POR: variants seen among roughly 807,000 people sequenced by gnomAD.
The protein encoded by POR is cytochrome p450 oxidoreductase.
Under a neutral mutation model 84.0 loss-of-function variants are expected in POR, and 56 were observed. That is an observed-to-expected ratio of 0.67 (90% CI 0.54 to 0.83). The LOEUF is 0.83. Among genes scored for constraint, POR ranks in the 40% least tolerant of loss-of-function variants. POR has a pLI of 0.00. For missense variants in POR, 938 were observed against 944.3 expected (o/e 0.99, Z 0.09); for synonymous variants, 414 against 400.5 (o/e 1.03, Z -0.40).
At chr7:75,980,531 G>A (rs1788956670) in intron 5 of POR, 43 bp downstream of exon 5, 2 of 1,612,528 alleles carry the variant, frequency 1.2e-6, no homozygotes, top group Non-Finnish European at 1.7e-6. Flanking sequence ...GTGGCCTGCG[G>A]TGCCTCCCTG....
At position 75,986,255 on chromosome 7, in the gene POR, G is replaced by GTCAC; in HGVS notation, c.1898+16_1898+19dup. 6.2e-7 allele frequency: 1 copy of GTCAC among 1,612,654 alleles called. No individual in the cohort carries two copies. The highest frequency in any genetic ancestry group is 8.5e-7 in the Non-Finnish European group (1 of 1,179,816). On this transcript the variant is annotated intron_variant, in intron 15 of 15. Transcript: ENST00000461988. Reference sequence around the variant, plus strand: ...CTACGTCTGTGGGTGAGTGAGTGGGGTCACTGGAATAGGGGGCAGGGAGGA... The same window carrying GTCAC: ...CTACGTCTGTGGGTGAGTGAGTGGGGTCACTCACTGGAATAGGGGGCAGGGAGGA...
chr7:75,980,199 TTC>T (rs1215939642), intron 4 of POR, 138 bp from the exon 5 acceptor site: 3 of 1,027,530 alleles, frequency 2.9e-6, no homozygotes, highest in Non-Finnish European at 4.2e-6. Context: ...GTGTTGTTAC[TTC>T]TCTCTGATCC....
In POR at chr7:75,938,966, T is replaced by C. The variant is rs146443212; in HGVS notation, c.-4-15023T>C. ...ACAATCCAGCCCAGATGTTGGCCTC[T>C]GGGAGCCCCTTCCTTGACTGTTTCA... is the stretch of plus-strand genomic sequence containing the variant. On this transcript the variant is annotated intron_variant, in intron 1 of 15. Transcript: ENST00000461988. 8.6e-4 allele frequency among the ~76,000 whole-genome samples: 131 copies of C among 152,314 alleles called. 2 individuals carry two copies. The East Asian group carries it at 0.018, about 20-fold the overall frequency.
intron 5 of POR, 154 bp downstream of exon 5, chr7:75,980,642 G>A: frequency 6.4e-7 from 1 of 1,560,570 alleles, no homozygotes; most frequent in Non-Finnish European, 8.6e-7. Flanking sequence ...CTCTGCCCCA[G>A]ACCCCAGCAC....
intron 8 of POR, 51 bp downstream of exon 8, chr7:75,982,373 C>A: frequency 1.4e-6 from 2 of 1,432,396 alleles, no homozygotes; most frequent in Admixed American, 1.9e-5. Context: ...GCCACTGGTG[C>A]ACCCCAGGCT....
At chr7:75,973,674 C>CTTTTTTTTTTTTTTTTT (rs35274225) in intron 3 of POR, among the ~76,000 whole-genome samples, 2 of 64,932 alleles carry the variant, frequency 3.1e-5, no homozygotes, top group Non-Finnish European at 5.1e-5. Flanking sequence ...CCAGACCTTG[C>CTTTTTTTTTTTTTTTTT]TTTTTTTTTT....
intron 1 of POR, among the ~76,000 whole-genome samples, chr7:75,939,923 A>G (rs1422768649): frequency 6.9e-6 from 1 of 144,292 alleles, no homozygotes; most frequent in Non-Finnish European, 1.5e-5. Context: ...TACTCTTATT[A>G]TATAGTGATG....
intron 1 of POR, among the ~76,000 whole-genome samples, chr7:75,928,708 CAGG>C (rs58707982): frequency 6.6e-6 from 1 of 152,134 alleles, no homozygotes; most frequent in Non-Finnish European, 1.5e-5. Flanking sequence ...GGTCACTGCC[CAGG>C]AGGACTTTTT....
At chr7:75,973,846 A>G (rs1788554410) in intron 3 of POR, among the ~76,000 whole-genome samples, 1 of 151,234 alleles carries the variant, frequency 6.6e-6, no homozygotes, top group Admixed American at 6.6e-5. Context: ...TGCCTGGCTA[A>G]TTTTTGTATT....
chr7:75,971,387 C>A (rs574578357), intron 2 of POR, among the ~76,000 whole-genome samples: 1 of 152,124 alleles, frequency 6.6e-6, no homozygotes, highest in Non-Finnish European at 1.5e-5. Context: ...ATTCAGCCAG[C>A]GTTTTTCACC....
intron 2 of POR, among the ~76,000 whole-genome samples, chr7:75,957,738 C>T (rs1554553953): frequency 6.6e-6 from 1 of 152,232 alleles, no homozygotes; most frequent in East Asian, 1.9e-4. Flanking sequence ...GTTCCCTCCA[C>T]CTAATCATGA....
At chr7:75,983,040 A>G (rs1789153001) in intron 8 of POR, among the ~76,000 whole-genome samples, 1 of 152,168 alleles carries the variant, frequency 6.6e-6, no homozygotes. Flanking sequence ...TGGTGGGACT[A>G]TAGAGAGAAC....
At chr7:75,918,192 A>G (rs1472856362) in intron 1 of POR, among the ~76,000 whole-genome samples, 1 of 152,050 alleles carries the variant, frequency 6.6e-6, no homozygotes, top group Admixed American at 6.6e-5. Context: ...TGTAATCCCA[A>G]CTACTCAGGA....
In POR at chr7:75,985,708, G is replaced by A. The variant is rs1554559125; in HGVS notation, c.1528G>A (p.Ala510Thr). 10 of 1,587,396 alleles carry A rather than the reference G, an allele frequency of 6.3e-6. No homozygotes were observed. The South Asian group carries it at 1.2e-4, about 18-fold the overall frequency. The change falls in exon 13 of 16, where the codon GCG becomes ACG. Residue 510 changes from alanine to threonine, a missense_variant. By Grantham distance (58) the Ala-to-Thr change is moderately conservative (BLOSUM62 0). Transcript: ENST00000461988. ...GCCTGCCGGGGAGAACGGCGGCCGTGCGCTGGTGCCCATGTTCGTGCGCAA... is the reference window on the plus strand; with the variant it reads ...GCCTGCCGGGGAGAACGGCGGCCGTACGCTGGTGCCCATGTTCGTGCGCAA...
chr7:75,930,465 G>C (rs1374043259), intron 1 of POR, among the ~76,000 whole-genome samples: 2 of 151,974 alleles, frequency 1.3e-5, no homozygotes, highest in East Asian at 1.9e-4. Context: ...CTGGACAACA[G>C]AGCAAGACCC....
At chr7:75,941,904 A>T (rs1039427656) in intron 1 of POR, among the ~76,000 whole-genome samples, 1 of 152,164 alleles carries the variant, frequency 6.6e-6, no homozygotes, top group South Asian at 2.1e-4. Context: ...TAATAAGAAG[A>T]ATGGAATGAT....
chr7:75,957,189 C>T (rs41295405), intron 2 of POR, among the ~76,000 whole-genome samples: 4,198 of 152,260 alleles, frequency 0.028, 175 homozygotes, highest in African/African-American at 0.096. Flanking sequence ...AGACAGGCTC[C>T]GCCAGCTCTA....
chr7:75,979,120 T>C (rs538058586), intron 3 of POR, among the ~76,000 whole-genome samples: 1 of 152,244 alleles, frequency 6.6e-6, no homozygotes, highest in Non-Finnish European at 1.5e-5. Context: ...TAAGTATCTA[T>C]GGGAGGTCCT....
At chr7:75,958,261 C>T (rs997640749) in intron 2 of POR, among the ~76,000 whole-genome samples, 6 of 152,070 alleles carry the variant, frequency 3.9e-5, no homozygotes, top group East Asian at 1.9e-4. Flanking sequence ...GGACTACAGG[C>T]GTGCACCACC....
Sources: allele counts gnomAD v4.1 joint callset (sites outside exome capture counted in the v4.1 genomes callset), GRCh38; gene constraint gnomAD v4.1.1; transcripts MANE v1.5; gene names NCBI Gene and HGNC (gene_info 2026-07-23, HGNC 2026-07-21).